The following VSTM4 variants were observed in gnomAD, a reference collection of about 807,000 sequenced individuals.
VSTM4 encodes the protein V-set and transmembrane domain-containing protein 4.
A neutral mutation model predicts 36.4 loss-of-function variants in VSTM4; 20 were observed. That is an observed-to-expected ratio of 0.55 (90% CI 0.39 to 0.80). The LOEUF (loss-of-function observed/expected upper bound fraction) is 0.80. VSTM4 is among the 30% of genes least tolerant of loss of function. VSTM4 has a pLI of 0.00. For missense variants in VSTM4, 392 were observed against 404.5 expected, an observed-to-expected ratio of 0.97 and a Z score of 0.26; for synonymous variants, 182 against 173.9, an observed-to-expected ratio of 1.05 and a Z score of -0.37.
Position 49,014,306 on chromosome 10 carries a change from C to A in VSTM4, c.*5344G>T, listed in dbSNP as rs1022242146. 1 of 152,176 alleles carries A rather than the reference C, an allele frequency of 6.6e-6. No individual in the cohort carries two copies. Among genetic ancestry groups the A allele is most frequent in the African/African-American group, 2.4e-5 (1 of 41,436 alleles). 9.4% of individuals were successfully genotyped at this position (152,176 alleles called of 1,614,324 possible). ...TGCATTTAACCAAAGCTGTAAACAT[C>A]TCTAATTATATTTAAAACTGTAGAG... On this transcript the variant is annotated 3_prime_UTR_variant, in exon 8 of 8. Coordinates refer to ENST00000332853, the MANE Select transcript of VSTM4 (RefSeq NM_001031746.5).
At chr10:49,093,309 T>G (rs1468598404) in intron 2 of VSTM4, among the ~76,000 whole-genome samples, 1 of 151,948 alleles carries the variant, frequency 6.6e-6, no homozygotes, top group East Asian at 1.9e-4. Flanking sequence ...TCCCTAAAGG[T>G]TTGAGCAGCA....
chr10:49,079,405 G>A (rs913275056), intron 3 of VSTM4, among the ~76,000 whole-genome samples: 1 of 152,080 alleles, frequency 6.6e-6, no homozygotes, highest in Non-Finnish European at 1.5e-5. Context: ...AATAATCAAC[G>A]TTATCATTAG....
chr10:49,034,504 G>A (rs1339083309), intron 7 of VSTM4, among the ~76,000 whole-genome samples: 1 of 152,012 alleles, frequency 6.6e-6, no homozygotes, highest in Non-Finnish European at 1.5e-5. Context: ...TTGTCTTTTG[G>A]TGATCACATG....
intron 5 of VSTM4, among the ~76,000 whole-genome samples, chr10:49,057,072 A>G (rs1403037789): frequency 6.6e-6 from 1 of 152,080 alleles, no homozygotes; most frequent in Non-Finnish European, 1.5e-5. Flanking sequence ...TGAATTCATC[A>G]GGTGAGAGAA....
At position 49,018,581 on chromosome 10, in the gene VSTM4, T is replaced by G. The variant is rs1409982323; in HGVS notation, c.*1069A>C. On this transcript the variant is annotated 3_prime_UTR_variant, in exon 8 of 8. Transcript: ENST00000332853. ...CTCAATAACACAGTTGACAGGATGG[T>G]GCTTTCAGAATGGATCCCCTGCCAG... The G allele has an allele frequency of 6.6e-6, 1 of 152,192 alleles. No individual in the cohort carries two copies. Among genetic ancestry groups the G allele is most frequent in the African/African-American group, 2.4e-5 (1 of 41,440 alleles). 9.4% of individuals were successfully genotyped at this position (152,192 alleles called of 1,614,324 possible).
chr10:49,083,355 C>A (rs12257242), intron 3 of VSTM4, among the ~76,000 whole-genome samples: 8 of 151,974 alleles, frequency 5.3e-5, no homozygotes, highest in African/African-American at 1.9e-4. Context: ...GAACTAAGCC[C>A]CAGGAGGATG....
At chr10:49,061,610 T>C (rs1282966067) in intron 5 of VSTM4, among the ~76,000 whole-genome samples, 1 of 152,196 alleles carries the variant, frequency 6.6e-6, no homozygotes, top group Non-Finnish European at 1.5e-5. Flanking sequence ...TCTGATGGAT[T>C]GAGCCTTTAT....
At chr10:49,022,884 G>T (rs935784430) in intron 7 of VSTM4, among the ~76,000 whole-genome samples, 2 of 152,014 alleles carry the variant, frequency 1.3e-5, no homozygotes, top group Non-Finnish European at 1.5e-5. Flanking sequence ...ATTACGTTTG[G>T]ATATGAAAAA....
rs975647629 is a variant in VSTM4, at chr10:49,063,742, T to C, written c.668+961A>G. On this transcript the variant is annotated intron_variant, in intron 5 of 7. Coordinates refer to ENST00000332853, the MANE Select transcript of VSTM4 (RefSeq NM_001031746.5). ...GTAGGGGAGAGAAGCCTCACACCCA[T>C]GGAGATGAAGAAGCTTCCTTGCTGG... is the stretch of plus-strand genomic sequence containing the variant. Among the ~76,000 whole-genome samples, 3 of 152,234 alleles carry C rather than the reference T, an allele frequency of 2.0e-5. No individual in the cohort carries two copies. In the East Asian group the frequency reaches 5.8e-4, roughly 29 times the overall value.
intron 4 of VSTM4, among the ~76,000 whole-genome samples, chr10:49,075,338 T>A (rs2131989730): frequency 6.6e-6 from 1 of 152,338 alleles, no homozygotes; most frequent in South Asian, 2.1e-4. Context: ...CATACCCAGC[T>A]TGGAAACTGC....
At chr10:49,062,062 G>A (rs1017147787) in intron 5 of VSTM4, among the ~76,000 whole-genome samples, 1 of 152,166 alleles carries the variant, frequency 6.6e-6, no homozygotes, top group Admixed American at 6.5e-5. Flanking sequence ...ATACACATAT[G>A]TGACTTTACA....
chr10:49,062,675 C>A (rs1843900278), intron 5 of VSTM4, among the ~76,000 whole-genome samples: 1 of 152,130 alleles, frequency 6.6e-6, no homozygotes, highest in South Asian at 2.1e-4. Context: ...GCCATTATTT[C>A]TTCTAATACT....
chr10:49,096,676 C>T (rs575586409), intron 2 of VSTM4, among the ~76,000 whole-genome samples: 248 of 108,018 alleles, frequency 2.3e-3, no homozygotes, highest in Middle Eastern at 5.1e-3. Context: ...TGTTTTGAGA[C>T]GGAGTTTTGC....
intron 7 of VSTM4, among the ~76,000 whole-genome samples, chr10:49,031,331 T>C (rs1006482921): frequency 1.3e-5 from 2 of 152,222 alleles, no homozygotes; most frequent in African/African-American, 4.8e-5. Flanking sequence ...AAAGTGGGAC[T>C]CATAATAGTA....
At position 49,103,437 on chromosome 10, in the gene VSTM4, G is replaced by A. The variant is rs374585151; in HGVS notation, c.457+4157C>T. Reference sequence around the variant, plus strand: ...AAATGTTAAGTTGAGTAGAGATATGGTAAGTCATTTTTATTTTCTTCTTTA... The same window carrying A: ...AAATGTTAAGTTGAGTAGAGATATGATAAGTCATTTTTATTTTCTTCTTTA... On this transcript the variant is annotated intron_variant, in intron 2 of 7. Transcript: ENST00000332853. 1.4e-4 allele frequency: 110 copies of A among 807,406 alleles called. No homozygotes were observed. The South Asian group carries it at 5.4e-3, about 40-fold the overall frequency. 50.0% of individuals were successfully genotyped at this position (807,406 alleles called of 1,614,324 possible).
chr10:49,052,088 G>T (rs1843707312), intron 5 of VSTM4, among the ~76,000 whole-genome samples: 1 of 152,046 alleles, frequency 6.6e-6, no homozygotes, highest in Middle Eastern at 3.2e-3. Flanking sequence ...TGTGCATAAT[G>T]GTTTTTTATT....
intron 1 of VSTM4, among the ~76,000 whole-genome samples, chr10:49,109,105 C>G (rs1181067992): frequency 6.6e-6 from 1 of 152,124 alleles, no homozygotes; most frequent in African/African-American, 2.4e-5. Context: ...ATGTATCACT[C>G]CAGGAAGCCA....
intron 4 of VSTM4, among the ~76,000 whole-genome samples, chr10:49,076,007 G>A (rs1380611708): frequency 2.6e-5 from 4 of 152,108 alleles, no homozygotes; most frequent in Admixed American, 6.5e-5. Context: ...GCTAACGCAT[G>A]GTGCATTCCA....
chr10:49,064,987 T>G (rs1487318220), intron 4 of VSTM4, among the ~76,000 whole-genome samples: 1 of 152,138 alleles, frequency 6.6e-6, no homozygotes, highest in African/African-American at 2.4e-5. Context: ...ACTTCCTGGG[T>G]ATTCATTTTG....
Sources: allele counts gnomAD v4.1 joint callset (sites outside exome capture counted in the v4.1 genomes callset), GRCh38; gene constraint gnomAD v4.1.1; transcripts MANE v1.5; gene names NCBI Gene and HGNC (gene_info 2026-07-23, HGNC 2026-07-21).